Variants in CCDC102B observed in about 807,000 individuals in gnomAD.
CCDC102B encodes coiled-coil domain containing 102B.
In CCDC102B, 75 loss-of-function variants were observed where a neutral mutation model predicts 57.4. That is an observed-to-expected ratio of 1.31 (90% confidence interval 1.08 to 1.58). The LOEUF (loss-of-function observed/expected upper bound fraction) is 1.58. CCDC102B is among the 40% of genes most tolerant of loss of function. CCDC102B has a pLI of 0.00. For synonymous variants in CCDC102B, 206 were observed against 201.9 expected (o/e 1.02, Z -0.17); for missense variants, 636 against 582.6 (o/e 1.09, Z -0.94).
intron 7 of CCDC102B, among the ~76,000 whole-genome samples, chr18:69,017,776 G>A (rs766995871): frequency 1.3e-5 from 2 of 152,046 alleles, no homozygotes; most frequent in East Asian, 1.9e-4. Context: ...ATGAAACTTT[G>A]ACCAACATCT....
intron 2 of CCDC102B, among the ~76,000 whole-genome samples, chr18:68,789,904 C>A (rs998770089): frequency 3.3e-5 from 5 of 152,016 alleles, no homozygotes; most frequent in African/African-American, 1.2e-4. Flanking sequence ...AGGAGAGGTT[C>A]TCTGCTTTTT....
chr18:68,974,155 T>TA (rs1176190137), intron 6 of CCDC102B, among the ~76,000 whole-genome samples: 1 of 152,068 alleles, frequency 6.6e-6, no homozygotes, highest in Non-Finnish European at 1.5e-5. Context: ...AATGCAGCAG[T>TA]ATTGGGAGCC....
intron 7 of CCDC102B, among the ~76,000 whole-genome samples, chr18:69,030,859 T>C (rs1301107146): frequency 6.6e-6 from 1 of 152,154 alleles, no homozygotes; most frequent in Non-Finnish European, 1.5e-5. Context: ...TTCAACATAT[T>C]GGCCAGGCTG....
chr18:68,816,372 G>T (rs542053310), intron 1 of CCDC102B, among the ~76,000 whole-genome samples: 1 of 151,842 alleles, frequency 6.6e-6, no homozygotes, highest in African/African-American at 2.4e-5. Flanking sequence ...AACTGAGTCT[G>T]GGAAAAGTAA....
chr18:68,717,577 T>C (rs1453192100), intron 2 of CCDC102B, among the ~76,000 whole-genome samples: 1 of 152,142 alleles, frequency 6.6e-6, no homozygotes, highest in Non-Finnish European at 1.5e-5. Flanking sequence ...AATCTGAAAA[T>C]GATTTAATAA....
At chr18:68,910,662 T>G (rs1449872195) in intron 6 of CCDC102B, among the ~76,000 whole-genome samples, 3 of 152,198 alleles carry the variant, frequency 2.0e-5, no homozygotes, top group Non-Finnish European at 2.9e-5. Context: ...CAAGAATAGT[T>G]CTACTGTAGA....
intron 5 of CCDC102B, among the ~76,000 whole-genome samples, chr18:68,880,675 A>G (rs891902995): frequency 6.6e-6 from 1 of 152,226 alleles, no homozygotes; most frequent in Non-Finnish European, 1.5e-5. Context: ...TTACTTCTTT[A>G]ATGGAGTAAA....
At chr18:68,792,782 T>C (rs2035504555) in intron 2 of CCDC102B, among the ~76,000 whole-genome samples, 1 of 152,200 alleles carries the variant, frequency 6.6e-6, no homozygotes, top group Admixed American at 6.5e-5. Context: ...TATTGTAGAT[T>C]AGATTTATTT....
At chr18:68,878,455 G>A (rs750295694) in intron 5 of CCDC102B, among the ~76,000 whole-genome samples, 41 of 152,244 alleles carry the variant, frequency 2.7e-4, no homozygotes, top group Middle Eastern at 3.4e-3. Context: ...TGGTCTGAAT[G>A]TGTGTGTGTT....
intron 3 of CCDC102B, among the ~76,000 whole-genome samples, chr18:68,839,666 T>G (rs779987610): frequency 6.6e-6 from 1 of 152,170 alleles, no homozygotes; most frequent in Non-Finnish European, 1.5e-5. Flanking sequence ...TGCAGCCTCT[T>G]TCACTCATAT....
chr18:68,920,405 A>G (rs747376787), intron 6 of CCDC102B, among the ~76,000 whole-genome samples: 8 of 152,136 alleles, frequency 5.3e-5, no homozygotes, highest in Non-Finnish European at 8.8e-5. Context: ...AACCTGGAAA[A>G]TTATTATTAA....
chr18:68,783,765 C>T (rs2035086980), intron 2 of CCDC102B, among the ~76,000 whole-genome samples: 1 of 151,984 alleles, frequency 6.6e-6, no homozygotes, highest in South Asian at 2.1e-4. Context: ...TTGATTTCAC[C>T]ATTGTTAGAG....
At chr18:68,761,708 G>T (rs1459244462) in intron 2 of CCDC102B, among the ~76,000 whole-genome samples, 1 of 151,902 alleles carries the variant, frequency 6.6e-6, no homozygotes, top group Non-Finnish European at 1.5e-5. Flanking sequence ...TTGTGTTACA[G>T]CTTTTTATAA....
At position 68,802,116 on chromosome 18, in the gene CCDC102B, A is replaced by G. The variant is rs1213588984; in HGVS notation, c.-16+3935A>G. ...CCATAATCCATTGGTGTTTCATATA[A>G]TTCTAGAAGGTTCTGGTTATAACCT... On this transcript the variant is annotated intron_variant, in intron 1 of 7. Coordinates refer to ENST00000360242, the MANE Select transcript of CCDC102B (RefSeq NM_024781.3). Among the ~76,000 whole-genome samples, 10 of 151,594 alleles carry G rather than the reference A, an allele frequency of 6.6e-5. No homozygotes were observed. In the East Asian group the frequency reaches 1.5e-3, roughly 23 times the overall value.
intron 7 of CCDC102B, among the ~76,000 whole-genome samples, chr18:69,049,709 A>T (rs190154487): frequency 6.6e-6 from 1 of 151,860 alleles, no homozygotes; most frequent in Non-Finnish European, 1.5e-5. Context: ...ATAGTACTCA[A>T]GTAAGATACT....
chr18:69,051,728 C>G (rs2052709977), intron 7 of CCDC102B, among the ~76,000 whole-genome samples: 1 of 151,760 alleles, frequency 6.6e-6, no homozygotes, highest in Admixed American at 6.6e-5. Context: ...CTTTATACAT[C>G]ATATATACAG....
intron 2 of CCDC102B, among the ~76,000 whole-genome samples, chr18:68,771,062 C>A (rs1470890207): frequency 6.6e-6 from 1 of 152,356 alleles, no homozygotes; most frequent in East Asian, 1.9e-4. Context: ...GACCTTTCAA[C>A]TGAGAAGATA....
At chr18:68,896,693 A>G (rs1210402719) in intron 5 of CCDC102B, among the ~76,000 whole-genome samples, 1 of 151,916 alleles carries the variant, frequency 6.6e-6, no homozygotes, top group East Asian at 1.9e-4. Flanking sequence ...GATAAATTAT[A>G]TATATTTTTT....
intron 6 of CCDC102B, among the ~76,000 whole-genome samples, chr18:68,956,059 T>C (rs1286668408): frequency 6.6e-6 from 1 of 151,738 alleles, no homozygotes; most frequent in African/African-American, 2.4e-5. Context: ...ATTGAGAACC[T>C]GCAAAGTTTG....
Sources: gnomAD v4.1 joint callset for allele counts (sites outside exome capture counted in the v4.1 genomes callset) on GRCh38, gnomAD v4.1.1 for gene constraint, MANE v1.5 for transcripts, NCBI Gene and HGNC (gene_info 2026-07-23, HGNC 2026-07-21) for gene names.